TENM3: variants seen among roughly 807,000 people sequenced by gnomAD.
TENM3 encodes teneurin-3.
A neutral mutation model predicts 255.1 loss-of-function variants in TENM3; 63 were observed. The observed-to-expected ratio is 0.25, with a 90% CI of 0.20 to 0.30. The LOEUF (loss-of-function observed/expected upper bound fraction) is 0.30. Among genes scored for constraint, TENM3 ranks in the 10% least tolerant of loss-of-function variants. TENM3 has a pLI of 1.00. For synonymous variants in TENM3, 1,306 were observed against 1,322.3 expected, an observed-to-expected ratio of 0.99 and a Z score of 0.27; for missense variants, 2,929 against 3,461.1, an observed-to-expected ratio of 0.85 and a Z score of 3.86.
the TENM3 span, among the ~76,000 whole-genome samples, chr4:181,981,943 G>A: frequency 6.6e-6 from 1 of 152,134 alleles, no homozygotes; most frequent in African/African-American, 2.4e-5. Context: ...TCCTATTTAA[G>A]ATAACCCATA....
At chr4:182,217,640 C>T (rs1459601810) in intron 1 of TENM3, among the ~76,000 whole-genome samples, 1 of 152,062 alleles carries the variant, frequency 6.6e-6, no homozygotes, top group East Asian at 1.9e-4. Context: ...GAATCTGAGG[C>T]CTGGAGATAT....
At chr4:182,755,562 G>A (rs953125383) in intron 22 of TENM3, among the ~76,000 whole-genome samples, 4 of 151,952 alleles carry the variant, frequency 2.6e-5, no homozygotes, top group Non-Finnish European at 4.4e-5. Flanking sequence ...AAAATGGCCG[G>A]GCGCAGTGGC....
At chr4:182,718,291 C>G (rs1759373738) in intron 13 of TENM3, among the ~76,000 whole-genome samples, 1 of 152,218 alleles carries the variant, frequency 6.6e-6, no homozygotes, top group African/African-American at 2.4e-5. Context: ...CTGCTTTCTT[C>G]TACCTTAGAA....
chr4:181,570,153 C>T, the TENM3 span, among the ~76,000 whole-genome samples: 2 of 149,864 alleles, frequency 1.3e-5, no homozygotes, highest in East Asian at 3.9e-4. Context: ...TCACGCCATT[C>T]TCCTGCCTCA....
At chr4:182,307,445 C>G (rs1762201686) in intron 1 of TENM3, among the ~76,000 whole-genome samples, 1 of 152,142 alleles carries the variant, frequency 6.6e-6, no homozygotes, top group Non-Finnish European at 1.5e-5. Flanking sequence ...GACAAAATGC[C>G]AACACCCAGT....
At chr4:182,045,829 G>A in the TENM3 span, among the ~76,000 whole-genome samples, 2 of 152,108 alleles carry the variant, frequency 1.3e-5, no homozygotes, top group Non-Finnish European at 2.9e-5. Flanking sequence ...TGAGACAATC[G>A]CTGGAGCCCA....
At chr4:181,672,609 AG>A in the TENM3 span, among the ~76,000 whole-genome samples, 2 of 152,186 alleles carry the variant, frequency 1.3e-5, no homozygotes, top group Non-Finnish European at 2.9e-5. Context: ...CTCAGATTAA[AG>A]GGGAGACTGT....
the TENM3 span, among the ~76,000 whole-genome samples, chr4:181,496,747 T>C: frequency 1.3e-5 from 2 of 152,214 alleles, no homozygotes; most frequent in Non-Finnish European, 1.5e-5. Flanking sequence ...GAATTAATAA[T>C]AATGGGACCT....
At chr4:182,727,131 A>T (rs1760260765) in intron 13 of TENM3, among the ~76,000 whole-genome samples, 1 of 152,136 alleles carries the variant, frequency 6.6e-6, no homozygotes, top group South Asian at 2.1e-4. Context: ...ATTAATCTAT[A>T]CCAATAAATG....
the TENM3 span, among the ~76,000 whole-genome samples, chr4:181,896,652 G>A: frequency 6.6e-6 from 1 of 152,320 alleles, no homozygotes; most frequent in African/African-American, 2.4e-5. Context: ...ACGGAGGCAT[G>A]CATTGACCAC....
the TENM3 span, among the ~76,000 whole-genome samples, chr4:181,609,206 C>T: frequency 1.3e-5 from 2 of 152,094 alleles, no homozygotes; most frequent in Admixed American, 1.3e-4. Context: ...TTATGAGCTC[C>T]CATTTCTCCT....
intron 3 of TENM3, among the ~76,000 whole-genome samples, chr4:182,439,597 T>C (rs72700001): frequency 0.075 from 11,469 of 152,190 alleles, 681 homozygotes; most frequent in East Asian, 0.22. Context: ...ATCTAGAAGG[T>C]TTGAAGAAAA....
chr4:182,701,157 A>G (rs1198749196), intron 12 of TENM3, among the ~76,000 whole-genome samples: 4 of 140,132 alleles, frequency 2.9e-5, no homozygotes, highest in African/African-American at 8.2e-5. Flanking sequence ...ATGAGTCCCC[A>G]CCTGAACAAT....
the TENM3 span, among the ~76,000 whole-genome samples, chr4:181,690,998 G>C: frequency 6.6e-6 from 1 of 152,070 alleles, no homozygotes; most frequent in Non-Finnish European, 1.5e-5. Context: ...TTTACTGAAT[G>C]CTCTATGCAT....
At chr4:182,326,947 G>A (rs921366922) in intron 2 of TENM3, among the ~76,000 whole-genome samples, 1 of 152,210 alleles carries the variant, frequency 6.6e-6, no homozygotes. Context: ...CTGTAATTGG[G>A]TGAATGAGGA....
chr4:182,074,228 C>T, the TENM3 span, among the ~76,000 whole-genome samples: 1 of 152,090 alleles, frequency 6.6e-6, no homozygotes, highest in African/African-American at 2.4e-5. Flanking sequence ...GTGTCTGTAC[C>T]ACTTGCTCAG....
chr4:182,012,743 C>T, the TENM3 span: 1 of 152,150 alleles, frequency 6.6e-6, no homozygotes, highest in Non-Finnish European at 1.5e-5. Flanking sequence ...GGTCTCTCAC[C>T]ATAGTCTGGG....
chr4:181,464,987 T>G, the TENM3 span, among the ~76,000 whole-genome samples: 1 of 152,144 alleles, frequency 6.6e-6, no homozygotes, highest in Admixed American at 6.6e-5. Context: ...TTATCTATTT[T>G]TTGTCACTGA....
chr4:181,862,685 G>T, the TENM3 span, among the ~76,000 whole-genome samples: 1 of 152,034 alleles, frequency 6.6e-6, no homozygotes, highest in Non-Finnish European at 1.5e-5. Context: ...AAAACGATGT[G>T]TTTTTCTAAA....
Sources: gnomAD v4.1 joint callset for allele counts (sites outside exome capture counted in the v4.1 genomes callset) on GRCh38, gnomAD v4.1.1 for gene constraint, MANE v1.5 for transcripts, NCBI Gene and HGNC (gene_info 2026-07-23, HGNC 2026-07-21) for gene names.